GUCA1C: variants seen among roughly 807,000 people sequenced by gnomAD.
The protein encoded by GUCA1C is guanylyl cyclase-activating protein 3.
A neutral mutation model predicts 16.2 loss-of-function variants in GUCA1C; 15 were observed. That is an observed-to-expected ratio of 0.93 (90% confidence interval 0.62 to 1.43). The LOEUF (loss-of-function observed/expected upper bound fraction) is 1.43. Among genes scored for constraint, GUCA1C ranks in the 40% most tolerant of loss-of-function variants. The probability of loss-of-function intolerance (pLI) is 0.00; values close to 1 mark genes in which losing one functional copy is unlikely to be tolerated. For missense variants in GUCA1C, 275 were observed against 244.8 expected (o/e 1.12, Z -0.82); for synonymous variants, 78 against 85.4 (o/e 0.91, Z 0.48).
At chr3:108,926,058 GC>G (rs1435635891) in intron 1 of GUCA1C, among the ~76,000 whole-genome samples, 2 of 151,956 alleles carry the variant, frequency 1.3e-5, no homozygotes, top group African/African-American at 4.8e-5. Flanking sequence ...TTGCACTCCA[GC>G]CTGGGTGACA....
intron 1 of GUCA1C, among the ~76,000 whole-genome samples, chr3:108,945,484 C>T (rs1946835263): frequency 6.6e-6 from 1 of 152,186 alleles, no homozygotes; most frequent in Non-Finnish European, 1.5e-5. Flanking sequence ...AGGACATTGG[C>T]TTTGAAGTCG....
At chr3:108,929,211 G>A (rs1413982309) in intron 1 of GUCA1C, among the ~76,000 whole-genome samples, 1 of 152,076 alleles carries the variant, frequency 6.6e-6, no homozygotes, top group Non-Finnish European at 1.5e-5. Flanking sequence ...ATGGTAATAT[G>A]TTAACTCCAC....
rs1338088588 is a variant in GUCA1C at position 108,908,206 on chromosome 3, TC to T, written c.445del (p.Glu149AsnfsTer2). The T allele has an allele frequency of 6.2e-7, 1 of 1,607,600 alleles. No individual in the cohort carries two copies. Among genetic ancestry groups the T allele is most frequent in the Non-Finnish European group, 8.5e-7 (1 of 1,174,448 alleles). On this transcript the variant is annotated frameshift_variant and splice_region_variant, in exon 4 of 4. Coordinates refer to ENST00000261047, the MANE Select transcript of GUCA1C (RefSeq NM_005459.4). LOFTEE classifies it low-confidence loss of function (END_TRUNC). ...FHKIDINNDGELTLEEFINGM... is the reference protein window; with the variant it reads ...FHKIDINNDGXLTLEEFINGM... ...ATTGATAAATTCTTCTAAAGTCAATTCCCCTGGAAAATAATAAACAGTTAAT... is the reference window on the plus strand; with the variant it reads ...ATTGATAAATTCTTCTAAAGTCAATTCCCTGGAAAATAATAAACAGTTAAT...
intron 1 of GUCA1C, among the ~76,000 whole-genome samples, chr3:108,947,039 G>T (rs556023201): frequency 5.3e-5 from 8 of 152,006 alleles, no homozygotes; most frequent in African/African-American, 1.7e-4. Flanking sequence ...TCACCACAAA[G>T]AAATGATAAG....
rs1400806945 is a variant in GUCA1C at position 108,907,856 on chromosome 3, AGG to A, written c.*164_*165del. ...CAGAAAAGCAACAATGCATCTGTTT[AGG>A]ATCTTTATGCAAGTCTCTACTGGAT... On this transcript the variant is annotated 3_prime_UTR_variant, in exon 4 of 4. Coordinates refer to ENST00000261047, the MANE Select transcript of GUCA1C (RefSeq NM_005459.4). 1.2e-5 allele frequency: 7 copies of A among 582,864 alleles called. No individual in the cohort carries two copies. Among genetic ancestry groups the A allele is most frequent in the Non-Finnish European group, 2.1e-5 (7 of 330,098 alleles). The allele number at this position is 582,864 out of a possible 1,614,324, so 36.1% of individuals were successfully genotyped here.
intron 1 of GUCA1C, among the ~76,000 whole-genome samples, chr3:108,923,223 T>C (rs1004805068): frequency 1.3e-5 from 2 of 152,226 alleles, no homozygotes; most frequent in East Asian, 3.8e-4. Context: ...TTTGGATTCT[T>C]GATCATGAAG....
intron 1 of GUCA1C, among the ~76,000 whole-genome samples, chr3:108,935,839 T>C (rs1946722129): frequency 6.6e-6 from 1 of 152,144 alleles, no homozygotes; most frequent in Non-Finnish European, 1.5e-5. Context: ...AAACGAGAGC[T>C]TGTAGTGCTT....
chr3:108,929,641 T>C (rs530711070), intron 1 of GUCA1C, among the ~76,000 whole-genome samples: 30 of 152,092 alleles, frequency 2.0e-4, no homozygotes, highest in Non-Finnish European at 3.5e-4. Flanking sequence ...AGAGAAAATG[T>C]TTACTTCTTA....
At chr3:108,953,411 T>A (rs1178334011) in intron 1 of GUCA1C, 148 bp downstream of exon 1, 1 of 612,652 alleles carries the variant, frequency 1.6e-6, no homozygotes, top group South Asian at 2.0e-5. Context: ...ATGACTCACT[T>A]ACCTACAAGC....
At chr3:108,934,938 C>CGAGT (rs1946708848) in intron 1 of GUCA1C, among the ~76,000 whole-genome samples, 1 of 151,366 alleles carries the variant, frequency 6.6e-6, no homozygotes, top group African/African-American at 2.4e-5. Flanking sequence ...CTCAGCCTCC[C>CGAGT]GAGTAGCTGG....
intron 2 of GUCA1C, among the ~76,000 whole-genome samples, chr3:108,919,227 T>A (rs1946548189): frequency 6.6e-6 from 1 of 152,128 alleles, no homozygotes; most frequent in Admixed American, 6.5e-5. Context: ...TGTTCTTTTT[T>A]TCCCTTTCTA....
chr3:108,920,352 A>AGACAGCT (rs1489595622), intron 2 of GUCA1C, 84 bp downstream of exon 2: 26 of 963,314 alleles, frequency 2.7e-5, no homozygotes, highest in Middle Eastern at 2.3e-4. Flanking sequence ...CCAACCCCAT[A>AGACAGCT]GACAGCTGTT....
chr3:108,931,802 C>A (rs1340829813), intron 1 of GUCA1C, among the ~76,000 whole-genome samples: 1 of 150,808 alleles, frequency 6.6e-6, no homozygotes, highest in Non-Finnish European at 1.5e-5. Flanking sequence ...AAGAAGGATG[C>A]AATAGAGAAA....
At chr3:108,931,072 GAC>G (rs1248028590) in intron 1 of GUCA1C, among the ~76,000 whole-genome samples, 1 of 152,122 alleles carries the variant, frequency 6.6e-6, no homozygotes, top group Non-Finnish European at 1.5e-5. Context: ...CAGTCTCCTG[GAC>G]AGTTATTGTG....
intron 1 of GUCA1C, among the ~76,000 whole-genome samples, chr3:108,929,119 T>C (rs1946645703): frequency 6.6e-6 from 1 of 152,110 alleles, no homozygotes; most frequent in Non-Finnish European, 1.5e-5. Context: ...TTTATCAGAG[T>C]TTTGTAGTTT....
At chr3:108,930,086 A>C (rs1946653388) in intron 1 of GUCA1C, among the ~76,000 whole-genome samples, 1 of 152,200 alleles carries the variant, frequency 6.6e-6, no homozygotes, top group Non-Finnish European at 1.5e-5. Context: ...TGGCATACGT[A>C]AATGTTCAAC....
chr3:108,928,411 G>C (rs1946641156), intron 1 of GUCA1C, among the ~76,000 whole-genome samples: 1 of 152,108 alleles, frequency 6.6e-6, no homozygotes, highest in South Asian at 2.1e-4. Context: ...TTCATTCTCT[G>C]ACAATGTCTT....
intron 1 of GUCA1C, among the ~76,000 whole-genome samples, chr3:108,951,144 G>A (rs546109457): frequency 1.3e-5 from 2 of 152,260 alleles, no homozygotes; most frequent in Non-Finnish European, 2.9e-5. Context: ...GGGAGAAGAG[G>A]AAATGGGGAG....
chr3:108,947,667 TTTTTCTTTTAAAAAATCCAGAA>T (rs1236110700), intron 1 of GUCA1C, among the ~76,000 whole-genome samples: 5 of 152,154 alleles, frequency 3.3e-5, no homozygotes, highest in Non-Finnish European at 7.4e-5. Flanking sequence ...GTTGGAGTAT[TTTTTCTTTTAAAAAATCCAGAA>T]AACATGTAGG....
Sources: gnomAD v4.1 joint callset for allele counts (sites outside exome capture counted in the v4.1 genomes callset) on GRCh38, gnomAD v4.1.1 for gene constraint, MANE v1.5 for transcripts, NCBI Gene and HGNC (gene_info 2026-07-23, HGNC 2026-07-21) for gene names.